CD99: variants seen among roughly 807,000 people sequenced by gnomAD.
The protein encoded by CD99 is CD99 molecule (Xg blood group), also known as CD99 antigen.
A neutral mutation model predicts 28.4 loss-of-function variants in CD99; 19 were observed. That is an observed-to-expected ratio of 0.67 (90% CI 0.47 to 0.98). CD99 has a LOEUF of 0.98. Ranked by LOEUF, CD99 falls within the 50% of genes least tolerant of loss-of-function variation. The probability of loss-of-function intolerance (pLI) is 0.00; values close to 1 mark genes in which losing one functional copy is unlikely to be tolerated. For missense variants in CD99, 283 were observed against 248.8 expected (o/e 1.14, Z -0.92); for synonymous variants, 103 against 92.1 (o/e 1.12, Z -0.67).
At chrX:2,702,294 C>G (rs768647799) in intron 1 of CD99, among the ~76,000 whole-genome samples, 11 of 152,074 alleles carry the variant, frequency 7.2e-5, no homozygotes, top group African/African-American at 2.4e-4. Context: ...ATGAGGCAGA[C>G]GAGGGGCCCA....
intron 1 of CD99, among the ~76,000 whole-genome samples, chrX:2,694,052 A>G (rs2047454151): frequency 6.6e-6 from 1 of 152,184 alleles, no homozygotes; most frequent in Admixed American, 6.5e-5. Context: ...GCGCTGATTC[A>G]GGGCTGCCCC....
intron 1 of CD99, among the ~76,000 whole-genome samples, chrX:2,713,737 C>G (rs1288219811): frequency 6.6e-6 from 1 of 152,156 alleles, no homozygotes; most frequent in Non-Finnish European, 1.5e-5. Flanking sequence ...GCCTTTGGTG[C>G]TGAGGAGTGG....
At position 2,738,211 on chromosome X, in the gene CD99, G is replaced by A. The variant is rs764013517; in HGVS notation, c.487G>A (p.Glu163Lys). The change falls in exon 9 of 10, where the codon GAG becomes AAG. Residue 163 changes from glutamate to lysine, a missense_variant. Glu to Lys is a moderately conservative substitution (Grantham distance 56). Coordinates refer to ENST00000381192, the MANE Select transcript of CD99 (RefSeq NM_002414.5). ...LCFKENAEQG[E>K]VDMESHRNAN... ...CTTCTTCTTTTCAGCAGAACAAGGGGAGGTGGACATGGAGAGCCACCGGAA... is the reference window on the plus strand; with the variant it reads ...CTTCTTCTTTTCAGCAGAACAAGGGAAGGTGGACATGGAGAGCCACCGGAA... 47 of 1,613,768 alleles carry A rather than the reference G, an allele frequency of 2.9e-5. No homozygotes were observed. The highest frequency in any genetic ancestry group is 3.9e-5 in the Non-Finnish European group (46 of 1,179,818).
At chrX:2,720,620 C>CTTTTTTTTTTTTTTTTTTT (rs71281938) in intron 5 of CD99, among the ~76,000 whole-genome samples, 196 bp downstream of exon 5, 2 of 83,920 alleles carry the variant, frequency 2.4e-5, no homozygotes, top group Non-Finnish European at 4.3e-5. Context: ...TTTTAGTTTG[C>CTTTTTTTTTTTTTTTTTTT]TTTTTTTTTT....
intron 9 of CD99, among the ~76,000 whole-genome samples, chrX:2,739,337 A>C (rs28369641): frequency 0.051 from 7,712 of 152,180 alleles, 224 homozygotes; most frequent in Non-Finnish European, 0.059. Context: ...GTATTTTTTT[A>C]TTTTGTTTGT....
chrX:2,730,239 C>T (rs755361203), intron 8 of CD99, among the ~76,000 whole-genome samples: 1 of 150,808 alleles, frequency 6.6e-6, no homozygotes, highest in African/African-American at 2.4e-5. Context: ...ATGGCGTGAT[C>T]TCGGCTCACT....
At chrX:2,715,623 T>C (rs2048663772) in intron 2 of CD99, 1 of 151,728 alleles carries the variant, frequency 6.6e-6, no homozygotes, top group African/African-American at 2.4e-5. Context: ...AAATAAAGTC[T>C]CATTACCAGG....
chrX:2,719,299 G>C, intron 3 of CD99: 1 of 266,544 alleles, frequency 3.8e-6, no homozygotes, highest in East Asian at 8.2e-5. Flanking sequence ...GATGGGATGG[G>C]GAGTCAACAG....
At chrX:2,729,624 G>A (rs1234310724) in intron 8 of CD99, among the ~76,000 whole-genome samples, 2 of 152,106 alleles carry the variant, frequency 1.3e-5, no homozygotes, top group Non-Finnish European at 2.9e-5. Context: ...CACATCTGAA[G>A]ACACACAAAC....
At chrX:2,704,818 C>T (rs910017190) in intron 1 of CD99, among the ~76,000 whole-genome samples, 1 of 151,070 alleles carries the variant, frequency 6.6e-6, no homozygotes, top group African/African-American at 2.4e-5. Flanking sequence ...AAGCGCAGGC[C>T]ATCCTCCCGC....
chrX:2,727,547 G>T (rs1172465068), intron 8 of CD99, among the ~76,000 whole-genome samples: 1 of 152,146 alleles, frequency 6.6e-6, no homozygotes, highest in Admixed American at 6.5e-5. Context: ...CGCAATCTCA[G>T]CTCACTGCAG....
chrX:2,722,717 A>G (rs201806305), intron 6 of CD99, 43 bp downstream of exon 6: 3 of 1,575,224 alleles, frequency 1.9e-6, no homozygotes, highest in East Asian at 2.2e-5. Flanking sequence ...TCTCCATCCC[A>G]TGATGCCCAC....
intron 1 of CD99, among the ~76,000 whole-genome samples, chrX:2,702,994 G>A (rs2047936367): frequency 6.6e-6 from 1 of 152,026 alleles, no homozygotes; most frequent in Admixed American, 6.6e-5. Context: ...TCACCGTGTT[G>A]GCCAGGCTGC....
chrX:2,727,281 C>CA (rs1337866793), intron 8 of CD99: 1 of 778,806 alleles, frequency 1.3e-6, no homozygotes, highest in East Asian at 2.4e-5. Flanking sequence ...CTCACCATTG[C>CA]AATCCTCCTA....
chrX:2,711,247 G>GTA (rs896202562), intron 1 of CD99, among the ~76,000 whole-genome samples: 102 of 146,660 alleles, frequency 7.0e-4, no homozygotes, highest in Non-Finnish European at 1.2e-3. Context: ...ATATATATGT[G>GTA]TATATATATA....
chrX:2,705,883 A>G (rs946493258), intron 1 of CD99, among the ~76,000 whole-genome samples: 13 of 152,146 alleles, frequency 8.5e-5, no homozygotes, highest in African/African-American at 2.9e-4. Flanking sequence ...GCCTCCTGCT[A>G]TTCCCACACA....
At chrX:2,738,397 G>T (rs1436003777) in intron 9 of CD99, 141 bp downstream of exon 9, 10 of 780,758 alleles carry the variant, frequency 1.3e-5, no homozygotes, top group Non-Finnish European at 2.2e-5. Context: ...ATGTCTCGTT[G>T]CTTTGGAGGG....
intron 8 of CD99, among the ~76,000 whole-genome samples, chrX:2,736,992 G>A (rs2124312241): frequency 6.6e-6 from 1 of 152,050 alleles, no homozygotes; most frequent in African/African-American, 2.4e-5. Context: ...TTTGATGGCT[G>A]GGGAAGCTCT....
intron 1 of CD99, among the ~76,000 whole-genome samples, chrX:2,712,640 A>C (rs1426157059): frequency 6.6e-6 from 1 of 152,070 alleles, no homozygotes; most frequent in Admixed American, 6.6e-5. Context: ...TTGTGGAAAC[A>C]GCCATTTCAG....
Sources: allele counts gnomAD v4.1 joint callset (sites outside exome capture counted in the v4.1 genomes callset), GRCh38; gene constraint gnomAD v4.1.1; transcripts MANE v1.5; gene names NCBI Gene and HGNC (gene_info 2026-07-23, HGNC 2026-07-21).